Variants in DEUP1 observed in about 807,000 individuals in gnomAD.
DEUP1 encodes coiled-coil domain containing 67.
Under a neutral mutation model 87.4 loss-of-function variants are expected in DEUP1, and 82 were observed. The observed-to-expected ratio is 0.94, with a 90% CI of 0.78 to 1.13. The LOEUF is 1.13. Among genes scored for constraint, DEUP1 ranks in the 50% most tolerant of loss-of-function variants. The pLI is 0.00. For synonymous variants in DEUP1, 214 were observed against 222.7 expected, an observed-to-expected ratio of 0.96 and a Z score of 0.35; for missense variants, 663 against 681.5, an observed-to-expected ratio of 0.97 and a Z score of 0.30.
At chr11:93,383,141 T>C (rs1946378446) in intron 7 of DEUP1, among the ~76,000 whole-genome samples, 1 of 152,232 alleles carries the variant, frequency 6.6e-6, no homozygotes, top group South Asian at 2.1e-4. Context: ...AGAAAGCATA[T>C]GTCCACATAA....
chr11:93,415,232 T>A, intron 13 of DEUP1, 118 bp downstream of exon 13: 1 of 569,710 alleles, frequency 1.8e-6, no homozygotes, highest in Non-Finnish European at 3.1e-6. Flanking sequence ...ACTCCTTGAA[T>A]AGGACTCCAA....
chr11:93,402,198 C>A (rs1947140066), intron 11 of DEUP1, among the ~76,000 whole-genome samples: 1 of 151,622 alleles, frequency 6.6e-6, no homozygotes, highest in Non-Finnish European at 1.5e-5. Flanking sequence ...GCCAAAAGAT[C>A]TGAATAGACA....
intron 5 of DEUP1, among the ~76,000 whole-genome samples, chr11:93,365,496 A>C (rs1318840123): frequency 2.0e-5 from 3 of 152,138 alleles, no homozygotes; most frequent in Non-Finnish European, 4.4e-5. Flanking sequence ...GCTTTCACTG[A>C]AAATGAAGAG....
At chr11:93,420,106 A>C (rs1169220407) in intron 13 of DEUP1, among the ~76,000 whole-genome samples, 1 of 152,066 alleles carries the variant, frequency 6.6e-6, no homozygotes, top group African/African-American at 2.4e-5. Flanking sequence ...GCAGAGACAC[A>C]ACCAAATAAG....
chr11:93,427,890 G>GCC (rs1555065910), intron 13 of DEUP1, among the ~76,000 whole-genome samples: 3 of 135,240 alleles, frequency 2.2e-5, no homozygotes, highest in African/African-American at 8.3e-5. Context: ...CATCATCACT[G>GCC]CATCAGAGAA....
chr11:93,336,976 T>A (rs1186404157), intron 2 of DEUP1, among the ~76,000 whole-genome samples: 1 of 152,220 alleles, frequency 6.6e-6, no homozygotes, highest in Non-Finnish European at 1.5e-5. Context: ...AATTCTCATT[T>A]TTCTCTACTG....
chr11:93,401,422 C>A (rs1333410188), intron 11 of DEUP1, among the ~76,000 whole-genome samples: 1 of 151,816 alleles, frequency 6.6e-6, no homozygotes, highest in East Asian at 1.9e-4. Context: ...TGACATTCTT[C>A]AAAGAAATAG....
At chr11:93,414,237 C>T (rs1036114537) in intron 12 of DEUP1, among the ~76,000 whole-genome samples, 5 of 152,072 alleles carry the variant, frequency 3.3e-5, no homozygotes, top group Admixed American at 6.6e-5. Flanking sequence ...GTTGGCTGGG[C>T]GCACGGTGAC....
At chr11:93,427,012 GAAA>G (rs1215051153) in intron 13 of DEUP1, among the ~76,000 whole-genome samples, 1 of 11,844 alleles carries the variant, frequency 8.4e-5, no homozygotes, top group Non-Finnish European at 1.3e-4. Flanking sequence ...AAAAAAAAAA[GAAA>G]AAAAAAAAAA....
intron 5 of DEUP1, among the ~76,000 whole-genome samples, chr11:93,368,462 T>C (rs990668901): frequency 6.6e-6 from 1 of 152,130 alleles, no homozygotes; most frequent in Non-Finnish European, 1.5e-5. Flanking sequence ...GGAGGCATGG[T>C]TGGGGAGGCC....
At chr11:93,368,082 T>C (rs1265648342) in intron 5 of DEUP1, among the ~76,000 whole-genome samples, 1 of 152,250 alleles carries the variant, frequency 6.6e-6, no homozygotes, top group East Asian at 1.9e-4. Flanking sequence ...GTTATTAAGA[T>C]ATGAACAGAT....
At chr11:93,372,925 C>T (rs532318225) in intron 7 of DEUP1, among the ~76,000 whole-genome samples, 5 of 152,206 alleles carry the variant, frequency 3.3e-5, no homozygotes, top group African/African-American at 9.6e-5. Flanking sequence ...CATCAGCCCA[C>T]CTCCGACTGT....
chr11:93,419,534 C>A (rs1278075143), intron 13 of DEUP1, among the ~76,000 whole-genome samples: 1 of 152,078 alleles, frequency 6.6e-6, no homozygotes, highest in Admixed American at 6.6e-5. Context: ...ATGGGTCAAA[C>A]CACCTAGTTT....
At chr11:93,416,196 G>A (rs1263212786) in intron 13 of DEUP1, among the ~76,000 whole-genome samples, 2 of 152,032 alleles carry the variant, frequency 1.3e-5, no homozygotes, top group African/African-American at 4.8e-5. Flanking sequence ...CAGAACTGAA[G>A]GAAATAGAGA....
chr11:93,390,694 G>A (rs1164637252), intron 9 of DEUP1, among the ~76,000 whole-genome samples: 4 of 152,136 alleles, frequency 2.6e-5, no homozygotes, highest in Non-Finnish European at 5.9e-5. Flanking sequence ...CATGGTGGGA[G>A]AGAGTATGAG....
chr11:93,410,021 T>C (rs1435965143), intron 12 of DEUP1, among the ~76,000 whole-genome samples: 1 of 152,012 alleles, frequency 6.6e-6, no homozygotes, highest in Non-Finnish European at 1.5e-5. Flanking sequence ...GCTCTACAGG[T>C]AGATAAATCC....
intron 2 of DEUP1, among the ~76,000 whole-genome samples, chr11:93,354,614 A>C (rs4753459): frequency 0.4 from 60,773 of 152,014 alleles, 12,635 homozygotes; most frequent in Non-Finnish European, 0.43. Context: ...CCTCAGAATC[A>C]TGGGGGGAGC....
chr11:93,346,573 C>T (rs537053052), intron 2 of DEUP1, among the ~76,000 whole-genome samples: 11 of 152,072 alleles, frequency 7.2e-5, no homozygotes, highest in Non-Finnish European at 1.2e-4. Context: ...TTTCTAGTTC[C>T]GTGAGGAATG....
rs570042027 is a variant in DEUP1 at position 93,352,286 on chromosome 11, G to A, written c.30-3085G>A. 4.0e-4 allele frequency: 277 copies of A among 689,250 alleles called. 4 individuals are homozygous for A. Among genetic ancestry groups the A allele is most frequent in the South Asian group, 4.0e-3 (261 of 66,072 alleles). The allele number at this position is 689,250 out of a possible 1,614,324, so 42.7% of individuals were successfully genotyped here. On this transcript the variant is annotated intron_variant, in intron 2 of 13. Transcript: ENST00000298050. ...AATAACTTGCTTTTCTAATCTGGAC[G>A]TTTGTATGTTCCTTAGGCTGAAGTG...
Sources: allele counts gnomAD v4.1 joint callset (sites outside exome capture counted in the v4.1 genomes callset), GRCh38; gene constraint gnomAD v4.1.1; transcripts MANE v1.5; gene names NCBI Gene and HGNC (gene_info 2026-07-23, HGNC 2026-07-21).